The following GLS2 variants were observed in gnomAD, a reference collection of about 807,000 sequenced individuals.
The protein encoded by GLS2 is glutaminase 2, also known as glutaminase liver isoform, mitochondrial.
In GLS2, 52 loss-of-function variants were observed where a neutral mutation model predicts 79.0. The ratio of observed to expected loss-of-function variants is 0.66; its 90% CI spans 0.53 to 0.83. The LOEUF (loss-of-function observed/expected upper bound fraction) is 0.83. GLS2 is among the 40% of genes least tolerant of loss of function. The probability of loss-of-function intolerance (pLI) is 0.00; values close to 1 mark genes in which losing one functional copy is unlikely to be tolerated. For synonymous variants in GLS2, 238 were observed against 280.8 expected (o/e 0.85, Z 1.52); for missense variants, 561 against 764.8 (o/e 0.73, Z 3.14).
intron 1 of GLS2, among the ~76,000 whole-genome samples, chr12:56,484,186 C>A (rs996653977): frequency 4.6e-5 from 7 of 152,146 alleles, no homozygotes; most frequent in Non-Finnish European, 1.5e-5. Context: ...AGGAGAATCG[C>A]TTGAACCCAG....
At chr12:56,478,660 C>T (rs1231200709) in intron 4 of GLS2, 1 of 262,372 alleles carries the variant, frequency 3.8e-6, no homozygotes, top group Non-Finnish European at 7.4e-6. Context: ...TGCTTCTCAT[C>T]TCTCATTCAT....
chr12:56,486,448 G>A (rs1312618477), intron 1 of GLS2, among the ~76,000 whole-genome samples: 1 of 152,204 alleles, frequency 6.6e-6, no homozygotes, highest in African/African-American at 2.4e-5. Flanking sequence ...ACTAGAACAG[G>A]AGGGAGAGGG....
In GLS2 at chr12:56,474,601, G is replaced by A. The variant is rs142538503; in HGVS notation, c.1167C>T (p.Thr389=). 1 of 1,614,200 alleles carries A rather than the reference G, an allele frequency of 6.2e-7. No individual in the cohort carries two copies. Among genetic ancestry groups the A allele is most frequent in the Non-Finnish European group, 8.5e-7 (1 of 1,180,042 alleles). ...SVLSAEAVRN[T]LSLMHSCGMY... ...TGCCGCAGGAATGCATGAGGCTGAG[G>A]GTGTTGCGCACTGCTTCAGCACTCA... The change falls in exon 12 of 18, where the codon ACC becomes ACT. Residue 389 remains threonine, a synonymous_variant. Transcript: ENST00000311966.
At chr12:56,485,689 C>T (rs1015055964) in intron 1 of GLS2, among the ~76,000 whole-genome samples, 1 of 152,100 alleles carries the variant, frequency 6.6e-6, no homozygotes, top group Non-Finnish European at 1.5e-5. Context: ...TCATCTCAAA[C>T]ATTTATCATT....
intron 1 of GLS2, among the ~76,000 whole-genome samples, chr12:56,481,088 C>T (rs1258203322): frequency 2.0e-5 from 3 of 150,890 alleles, no homozygotes; most frequent in African/African-American, 4.9e-5. Flanking sequence ...TCCTTATTCC[C>T]TATTACCTAA....
In GLS2 at chr12:56,477,531, T is replaced by C. The variant is rs551682255; in HGVS notation, c.837+129A>G. 91 of 894,556 alleles carry C rather than the reference T, an allele frequency of 1.0e-4. No homozygotes were observed. In the South Asian group the frequency reaches 1.4e-3, roughly 14 times the overall value. 55.4% of individuals were successfully genotyped at this position (894,556 alleles called of 1,614,324 possible). A position where few individuals can be genotyped will look rare whatever the true frequency, so the allele number is the denominator to read the frequency against. ...ATGTGGGTCCCTGCTGTGCCTCATGTGCCTTCTGGGGACCCTCAAAGGAAT... is the reference window on the plus strand; with the variant it reads ...ATGTGGGTCCCTGCTGTGCCTCATGCGCCTTCTGGGGACCCTCAAAGGAAT... On this transcript the variant is annotated intron_variant, in intron 7 of 17. Coordinates refer to ENST00000311966, the MANE Select transcript of GLS2 (RefSeq NM_013267.4).
At position 56,480,388 on chromosome 12, in the gene GLS2, CTGTT is replaced by C. The variant is rs557274774; in HGVS notation, c.183-5_183-2del. 12 of 1,613,506 alleles carry C rather than the reference CTGTT, an allele frequency of 7.4e-6. No homozygotes were observed. In the East Asian group the frequency reaches 1.3e-4, roughly 18 times the overall value. ...CAGCATGCCACTTTCTGATGAATCA[CTGTT>C]TGGGGGCAGAGAATGGGGAGGAAAG... On this transcript the variant is annotated splice_acceptor_variant and splice_polypyrimidine_tract_variant and intron_variant, in intron 1 of 17. Coordinates refer to ENST00000311966, the MANE Select transcript of GLS2 (RefSeq NM_013267.4). LOFTEE classifies it high-confidence loss of function.
At position 56,474,650 on chromosome 12, in the gene GLS2, C is replaced by T; in HGVS notation, c.1118G>A (p.Cys373Tyr). 6.2e-7 allele frequency: 1 copy of T among 1,613,966 alleles called. No homozygotes were observed. Among genetic ancestry groups the T allele is most frequent in the Non-Finnish European group, 8.5e-7 (1 of 1,179,906 alleles). ...MAATLANGGI[C>Y]PITGESVLSA... ...CAGCACACTCTCGCCTGTGATGGGG[C>T]AGATCCCACCGTTGGCGAGGGTGGC... Residue 373 changes from cysteine to tyrosine, a missense_variant, in exon 12 of 18, where the codon TGC (cysteine) becomes TAC (tyrosine). By Grantham distance (194) the Cys-to-Tyr change is radical. Transcript: ENST00000311966.
Position 56,479,196 on chromosome 12 carries a change from C to A in GLS2, c.405-15G>T. ...TGCTCACACACCTGGATCCCAGACA[C>A]GATTGGATTAGGGGGCTAGAGAAAT... On this transcript the variant is annotated splice_polypyrimidine_tract_variant and intron_variant, in intron 3 of 17. Coordinates refer to ENST00000311966, the MANE Select transcript of GLS2 (RefSeq NM_013267.4). 6.2e-7 allele frequency: 1 copy of A among 1,612,180 alleles called. No individual in the cohort carries two copies. Among genetic ancestry groups the A allele is most frequent in the Non-Finnish European group, 8.5e-7 (1 of 1,179,812 alleles).
chr12:56,477,821 G>T, intron 6 of GLS2, 103 bp from the exon 7 acceptor site: 1 of 1,534,516 alleles, frequency 6.5e-7, no homozygotes, highest in Admixed American at 1.9e-5. Flanking sequence ...AGGGAGAAAG[G>T]CATGACAGGG....
rs1052261289 is a variant in GLS2 at position 56,475,432 on chromosome 12, T to C, written c.929+192A>G. The C allele has an allele frequency of 5.6e-5, 40 of 712,444 alleles. No homozygotes were observed. The African/African-American group carries it at 6.6e-4, about 12-fold the overall frequency. 44.1% of individuals were successfully genotyped at this position (712,444 alleles called of 1,614,324 possible). On this transcript the variant is annotated intron_variant, in intron 9 of 17. Coordinates refer to ENST00000311966, the MANE Select transcript of GLS2 (RefSeq NM_013267.4). ...CACTGCCTCTCTCATTATGTACTAA[T>C]TAGAAATGGAACAAATTATTTTACA...
At position 56,474,602 on chromosome 12, in the gene GLS2, G is replaced by GTGT; in HGVS notation, c.1163_1165dup (p.Asn388dup). The GTGT allele has an allele frequency of 6.2e-7, 1 of 1,614,202 alleles. No individual in the cohort carries two copies. The highest frequency in any genetic ancestry group is 8.5e-7 in the Non-Finnish European group (1 of 1,180,048). On this transcript the variant is annotated inframe_insertion, in exon 12 of 18. Transcript: ENST00000311966. ...GCCGCAGGAATGCATGAGGCTGAGG[G>GTGT]TGTTGCGCACTGCTTCAGCACTCAG...
rs1869280294 is a variant in GLS2, at chr12:56,471,701, T to C, written c.1653-58A>G. 3.7e-6 allele frequency: 6 copies of C among 1,612,114 alleles called. 1 individual carries two copies. The South Asian group carries it at 6.6e-5, about 18-fold the overall frequency. ...AGACGTGGAGAGTGGTGGTTGTATATATTTGCATGGTGGCTGGAGGGTAGG... is the reference window on the plus strand; with the variant it reads ...AGACGTGGAGAGTGGTGGTTGTATACATTTGCATGGTGGCTGGAGGGTAGG... On this transcript the variant is annotated intron_variant, in intron 17 of 17. Coordinates refer to ENST00000311966, the MANE Select transcript of GLS2 (RefSeq NM_013267.4).
chr12:56,479,938 A>G (rs774590894), intron 2 of GLS2, 37 bp from the exon 3 acceptor site: 29 of 1,606,170 alleles, frequency 1.8e-5, no homozygotes, highest in Non-Finnish European at 2.4e-5. Context: ...GGTCAGCTAC[A>G]AGGACAGTGA....
At chr12:56,479,648 T>C in intron 3 of GLS2, 132 bp downstream of exon 3, 1 of 1,103,636 alleles carries the variant, frequency 9.1e-7, no homozygotes, top group Non-Finnish European at 1.2e-6. Context: ...TATTCATGTA[T>C]AACTTATGTA....
At position 56,487,873 on chromosome 12, in the gene GLS2, A is replaced by G. The variant is rs1487224831; in HGVS notation, c.182+64T>C. The G allele has an allele frequency of 2.0e-6, 3 of 1,527,108 alleles. No individual in the cohort carries two copies. In the African/African-American group the frequency reaches 4.2e-5, roughly 21 times the overall value. 94.6% of individuals were successfully genotyped at this position (1,527,108 alleles called of 1,614,324 possible). ...CGCTGCCTTGGAAGGGCACTCGGGA[A>G]CTAGCGAGAACCACAGTGGGAGTGG... On this transcript the variant is annotated intron_variant, in intron 1 of 17. Coordinates refer to ENST00000311966, the MANE Select transcript of GLS2 (RefSeq NM_013267.4).
At chr12:56,472,021 C>A in intron 16 of GLS2, 98 bp downstream of exon 16, 1 of 1,388,992 alleles carries the variant, frequency 7.2e-7, no homozygotes, top group South Asian at 1.2e-5. Flanking sequence ...TAGTTGCTGC[C>A]CCTATAACCT....
At position 56,475,618 on chromosome 12, in the gene GLS2, A is replaced by T. The variant is rs1226253125; in HGVS notation, c.929+6T>A. 1 of 1,613,836 alleles carries T rather than the reference A, an allele frequency of 6.2e-7. No individual in the cohort carries two copies. The highest frequency in any genetic ancestry group is 1.3e-5 in the African/African-American group (1 of 74,876). On this transcript the variant is annotated splice_donor_region_variant and intron_variant, in intron 9 of 17. Transcript: ENST00000311966. ...CTTTCAGTCAGTCCTCTGAGTAGGG[A>T]CTTACGTGGCATTGCTGAAACCCAT...
chr12:56,472,816 C>T, intron 14 of GLS2, 65 bp from the exon 15 acceptor site: 1 of 1,384,420 alleles, frequency 7.2e-7, no homozygotes, highest in South Asian at 1.2e-5. Flanking sequence ...TGCCCTGTGA[C>T]CCTCCTCCAT....
Sources: allele counts gnomAD v4.1 joint callset (sites outside exome capture counted in the v4.1 genomes callset), GRCh38; gene constraint gnomAD v4.1.1; transcripts MANE v1.5; gene names NCBI Gene and HGNC (gene_info 2026-07-23, HGNC 2026-07-21).